The following CSMD2 variants were observed in gnomAD, a reference collection of about 807,000 sequenced individuals.
CSMD2 encodes CUB and Sushi multiple domains 2.
A neutral mutation model predicts 398.5 loss-of-function variants in CSMD2; 130 were observed. That is an observed-to-expected ratio of 0.33 (90% confidence interval 0.28 to 0.38). CSMD2 has a LOEUF of 0.38. CSMD2 is among the 10% of genes least tolerant of loss of function. The pLI is 1.00. For missense variants in CSMD2, 3,829 were observed against 4,764.9 expected (o/e 0.80, Z 5.78); for synonymous variants, 1,828 against 1,908.5 (o/e 0.96, Z 1.10).
chr1:33,764,926 G>A (rs749209159), intron 13 of CSMD2, among the ~76,000 whole-genome samples: 9 of 152,190 alleles, frequency 5.9e-5, no homozygotes, highest in South Asian at 2.1e-4. Context: ...TGCTTCACCT[G>A]TGCATGTGGC....
intron 2 of CSMD2, among the ~76,000 whole-genome samples, chr1:34,076,523 C>A (rs1233916188): frequency 1.3e-5 from 2 of 152,142 alleles, no homozygotes; most frequent in African/African-American, 2.4e-5. Flanking sequence ...GTTGGGACAA[C>A]CACAAATTTC....
chr1:33,583,723 C>T lies in CSMD2; in HGVS notation c.7159G>A (p.Val2387Met), dbSNP rs779265694. The change falls in exon 47 of 71, where the codon GTG becomes ATG. Residue 2387 changes from valine (V) to methionine (M), a missense_variant. Val to Met is a conservative substitution (Grantham distance 21). Transcript: ENST00000373381. ...AGGGAGATGTTATAGTCGGGCTCCACTCTCACCAGCCAAGAGCAGGTCTGG... is the reference window on the plus strand; with the variant it reads ...AGGGAGATGTTATAGTCGGGCTCCATTCTCACCAGCCAAGAGCAGGTCTGG... ...QFQTCSWLVR[V>M]EPDYNISLTV... The T allele has an allele frequency of 7.4e-6, 12 of 1,614,236 alleles. No homozygotes were observed. The highest frequency in any genetic ancestry group is 1.6e-4 in the Middle Eastern group (1 of 6,062).
intron 13 of CSMD2, among the ~76,000 whole-genome samples, chr1:33,750,183 G>A (rs957618071): frequency 2.0e-5 from 3 of 151,854 alleles, no homozygotes; most frequent in Non-Finnish European, 4.4e-5. Flanking sequence ...CTAAATCATG[G>A]TACAAATTTA....
intron 2 of CSMD2, among the ~76,000 whole-genome samples, chr1:34,079,215 C>G (rs1290308282): frequency 6.6e-6 from 1 of 152,134 alleles, no homozygotes; most frequent in East Asian, 1.9e-4. Flanking sequence ...TCAAGGCTAG[C>G]CACTCTGACC....
At chr1:34,118,907 T>G (rs538492021) in intron 1 of CSMD2, among the ~76,000 whole-genome samples, 153 of 152,304 alleles carry the variant, frequency 1.0e-3, no homozygotes, top group Non-Finnish European at 1.7e-3. Context: ...ATGGCACATT[T>G]TGCAGAAATA....
chr1:33,723,343 A>G (rs1286533834), intron 19 of CSMD2, among the ~76,000 whole-genome samples: 1 of 152,230 alleles, frequency 6.6e-6, no homozygotes, highest in Non-Finnish European at 1.5e-5. Flanking sequence ...CAAAACCTCT[A>G]GCCTTGGGCC....
chr1:33,728,253 A>T (rs998407481), intron 15 of CSMD2, among the ~76,000 whole-genome samples: 14 of 152,192 alleles, frequency 9.2e-5, no homozygotes, highest in Non-Finnish European at 2.1e-4. Context: ...AGAGCTACAT[A>T]GCACTTCTCT....
At chr1:33,638,324 A>G (rs960920410) in intron 29 of CSMD2, among the ~76,000 whole-genome samples, 4 of 152,156 alleles carry the variant, frequency 2.6e-5, no homozygotes, top group South Asian at 4.1e-4. Flanking sequence ...TGTTTCATCT[A>G]TCCTTTTTAT....
chr1:33,625,441 C>G (rs1202925388), intron 33 of CSMD2, among the ~76,000 whole-genome samples, 187 bp from the exon 34 acceptor site: 1 of 152,198 alleles, frequency 6.6e-6, no homozygotes, highest in African/African-American at 2.4e-5. Context: ...TAGTTGGACA[C>G]ACAGCGCTAC....
At chr1:34,008,393 T>C (rs529684897) in intron 3 of CSMD2, among the ~76,000 whole-genome samples, 1 of 152,334 alleles carries the variant, frequency 6.6e-6, no homozygotes, top group East Asian at 1.9e-4. Flanking sequence ...ATCCCAACTC[T>C]TTTAGTTGTA....
intron 4 of CSMD2, among the ~76,000 whole-genome samples, chr1:33,925,589 G>A (rs541338674): frequency 5.3e-5 from 8 of 152,182 alleles, no homozygotes; most frequent in African/African-American, 1.9e-4. Context: ...AAAATGACAC[G>A]GGTATTTTGA....
intron 6 of CSMD2, among the ~76,000 whole-genome samples, chr1:33,840,927 C>T (rs1364145755): frequency 6.6e-6 from 1 of 152,186 alleles, no homozygotes; most frequent in Non-Finnish European, 1.5e-5. Context: ...ATTCTGGCCT[C>T]AGATTGAAGC....
At chr1:33,529,997 A>G (rs1398104908) in intron 64 of CSMD2, among the ~76,000 whole-genome samples, 4 of 152,232 alleles carry the variant, frequency 2.6e-5, no homozygotes, top group African/African-American at 9.6e-5. Flanking sequence ...GAAGACATAC[A>G]CATAAAAAAG....
At chr1:33,949,331 G>T (rs979255879) in intron 3 of CSMD2, among the ~76,000 whole-genome samples, 2 of 152,220 alleles carry the variant, frequency 1.3e-5, no homozygotes, top group African/African-American at 4.8e-5. Context: ...GAGAAGCCGG[G>T]TACAGTGGCT....
Position 33,605,863 on chromosome 1 carries a change from C to T in CSMD2, c.6344-393G>A, listed in dbSNP as rs1448937964. 3.7e-6 allele frequency: 6 copies of T among 1,612,490 alleles called. No individual in the cohort carries two copies. The South Asian group carries it at 4.4e-5, about 12-fold the overall frequency. ...TTTCATGTTGCTTATCTCATTGAAC[C>T]TTCACAACCAGGATCAAGATCCCAG... On this transcript the variant is annotated intron_variant, in intron 41 of 70. Coordinates refer to ENST00000373381, the MANE Select transcript of CSMD2 (RefSeq NM_001281956.2).
At chr1:33,825,872 C>T (rs1658750752) in intron 6 of CSMD2, 98 bp from the exon 7 acceptor site, 2 of 977,874 alleles carry the variant, frequency 2.0e-6, no homozygotes, top group Non-Finnish European at 3.1e-6. Context: ...TTGGAACATT[C>T]CATGGTGGGT....
chr1:33,880,128 T>G (rs1171194703), intron 5 of CSMD2, among the ~76,000 whole-genome samples: 5 of 152,174 alleles, frequency 3.3e-5, no homozygotes, highest in African/African-American at 1.2e-4. Context: ...CCAAAAATGA[T>G]GATTTATCTA....
At chr1:33,914,597 C>T (rs889581470) in intron 5 of CSMD2, among the ~76,000 whole-genome samples, 1 of 152,110 alleles carries the variant, frequency 6.6e-6, no homozygotes, top group African/African-American at 2.4e-5. Context: ...CTCAACATGT[C>T]AGAGCTACAG....
chr1:34,082,207 C>A (rs1173258161), intron 2 of CSMD2, among the ~76,000 whole-genome samples: 1 of 150,904 alleles, frequency 6.6e-6, no homozygotes, highest in Non-Finnish European at 1.5e-5. Context: ...CGGCCGCCAC[C>A]CCGTCTGGGA....
Sources: gnomAD v4.1 joint callset for allele counts (sites outside exome capture counted in the v4.1 genomes callset) on GRCh38, gnomAD v4.1.1 for gene constraint, MANE v1.5 for transcripts, NCBI Gene and HGNC (gene_info 2026-07-23, HGNC 2026-07-21) for gene names.